The following PPM1B variants were observed in gnomAD, a reference collection of about 807,000 sequenced individuals.
The protein encoded by PPM1B is protein phosphatase 1B.
Under a neutral mutation model 43.0 loss-of-function variants are expected in PPM1B, and 22 were observed. The ratio of observed to expected loss-of-function variants is 0.51; its 90% CI spans 0.37 to 0.73. The LOEUF is 0.73. Among genes scored for constraint, PPM1B ranks in the 30% least tolerant of loss-of-function variants. The pLI, the probability that PPM1B is intolerant of heterozygous loss-of-function variation, is 0.00. For missense variants in PPM1B, 632 were observed against 584.2 expected (o/e 1.08, Z -0.84); for synonymous variants, 217 against 197.9 (o/e 1.10, Z -0.81).
chr2:44,240,271 C>T (rs1670717658), intron 5 of PPM1B, among the ~76,000 whole-genome samples: 1 of 145,708 alleles, frequency 6.9e-6, no homozygotes, highest in African/African-American at 2.5e-5. Flanking sequence ...ATTGTTCGCC[C>T]TTCCTATAAT....
At chr2:44,209,106 G>T (rs528565118) in intron 2 of PPM1B, 104 bp from the exon 3 acceptor site, 17 of 1,053,260 alleles carry the variant, frequency 1.6e-5, no homozygotes, top group Non-Finnish European at 2.2e-5. Flanking sequence ...AAACATAAAC[G>T]TTCTGGATGA....
At chr2:44,176,135 A>T (rs905610341) in intron 1 of PPM1B, among the ~76,000 whole-genome samples, 1 of 152,190 alleles carries the variant, frequency 6.6e-6, no homozygotes, top group African/African-American at 2.4e-5. Context: ...TCCCTGCATT[A>T]GACAGACATG....
intron 1 of PPM1B, among the ~76,000 whole-genome samples, chr2:44,170,298 C>T (rs1380127894): frequency 1.3e-5 from 2 of 152,136 alleles, no homozygotes; most frequent in Non-Finnish European, 2.9e-5. Context: ...TTTTGATAGT[C>T]ACAGTTAAAG....
rs370204406 is a variant in PPM1B at position 44,188,122 on chromosome 2, A to G, written c.-14-13064A>G. On this transcript the variant is annotated intron_variant, in intron 1 of 5. Coordinates refer to ENST00000282412, the MANE Select transcript of PPM1B (RefSeq NM_002706.6). ...TGGCTTACTTTAACTTTCAAAAACC[A>G]TCAAGAATTTTTGGGTTTTGTTTGT... is the stretch of plus-strand genomic sequence containing the variant. 6.6e-5 allele frequency among the ~76,000 whole-genome samples: 10 copies of G among 152,338 alleles called. No homozygotes were observed. In the East Asian group the frequency reaches 1.7e-3, roughly 26 times the overall value.
chr2:44,244,335 GT>G (rs763719172), exon 6 of PPM1B: 3 of 1,360,196 alleles, frequency 2.2e-6, no homozygotes, highest in Non-Finnish European at 2.9e-6. Context: ...GGACAAAAAG[GT>G]TTTTTTGTAA....
In PPM1B at chr2:44,201,386, G is replaced by T; in HGVS notation, c.187G>T (p.Ala63Ser). 3 of 1,614,182 alleles carry T rather than the reference G, an allele frequency of 1.9e-6. No individual in the cohort carries two copies. The highest frequency in any genetic ancestry group is 2.5e-6 in the Non-Finnish European group (3 of 1,180,026). Residue 63 changes from alanine to serine, a missense_variant, in exon 2 of 6, where the codon GCT becomes TCT. Ala to Ser is a moderately conservative substitution (Grantham distance 99). Coordinates refer to ENST00000282412, the MANE Select transcript of PPM1B (RefSeq NM_002706.6). This position sits in a 1 kb window ranked among gnomAD's most constrained non-coding sequence, Gnocchi z 5.4. ...ATTTTTTGCAGTTTATGATGGTCAT[G>T]CTGGATCCCGAGTGGCAAATTACTG... ...WSFFAVYDGHAGSRVANYCST... is the reference protein window; with the variant it reads ...WSFFAVYDGHSGSRVANYCST...
downstream of PPM1B, among the ~76,000 whole-genome samples, chr2:44,235,956 T>C (rs1351543685): frequency 1.3e-5 from 2 of 152,086 alleles, no homozygotes; most frequent in African/African-American, 4.8e-5. Context: ...AATAACATTG[T>C]GAAGGAATAA....
rs1469790641 is a variant in PPM1B at position 44,241,530 on chromosome 2, G to T, written n.1547-2698G>T. Among the ~76,000 whole-genome samples the T allele has an allele frequency of 2.8e-5, 4 of 142,298 alleles. 1 individual carries two copies. Among genetic ancestry groups the T allele is most frequent in the African/African-American group, 5.0e-5 (2 of 40,142 alleles). 93.4% of individuals were successfully genotyped at this position (142,298 alleles called of 152,430 possible). On this transcript the variant is annotated intron_variant and non_coding_transcript_variant, in intron 5 of 5. Transcript: ENST00000378540. Reference sequence around the variant, plus strand: ...AGAGATCACTTGAGGTCAAGAGTTCGAGACCAGCCTGGCCAGCATGGTGAA... The same window carrying T: ...AGAGATCACTTGAGGTCAAGAGTTCTAGACCAGCCTGGCCAGCATGGTGAA...
intron 5 of PPM1B, among the ~76,000 whole-genome samples, chr2:44,243,533 G>A (rs1572771421): frequency 6.6e-6 from 1 of 152,040 alleles, no homozygotes; most frequent in African/African-American, 2.4e-5. Flanking sequence ...AATACAACTG[G>A]AACTTATTTC....
intron 2 of PPM1B, among the ~76,000 whole-genome samples, chr2:44,205,821 A>G (rs1385960179): frequency 6.6e-6 from 1 of 152,134 alleles, no homozygotes; most frequent in African/African-American, 2.4e-5. Flanking sequence ...AGTTGGATAA[A>G]ATTGAGGGAA....
intron 2 of PPM1B, among the ~76,000 whole-genome samples, chr2:44,208,262 G>T (rs974752042): frequency 6.6e-6 from 1 of 152,122 alleles, no homozygotes; most frequent in Non-Finnish European, 1.5e-5. Context: ...CCTTAAATTA[G>T]CTATTTTAGC....
chr2:44,228,385 G>T (rs966203143), intron 5 of PPM1B, among the ~76,000 whole-genome samples: 3 of 151,842 alleles, frequency 2.0e-5, no homozygotes, highest in Non-Finnish European at 4.4e-5. Context: ...TGTTTCCCAG[G>T]CTGGCCTAGA....
At position 44,201,262 on chromosome 2, in the gene PPM1B, T is replaced by G. The variant is rs982728823; in HGVS notation, c.63T>G (p.Gly21=). The change falls in exon 2 of 6, where the codon GGT becomes GGG. Residue 21 remains glycine, a synonymous_variant. Coordinates refer to ENST00000282412, the MANE Select transcript of PPM1B (RefSeq NM_002706.6). The surrounding 1 kb of genome is among the most constrained non-coding windows in gnomAD (Gnocchi z 5.4). ...EKHNAHGAGN[G]LRYGLSSMQG... The stretch of plus-strand genomic sequence containing the variant: ...ATAATGCTCATGGTGCTGGGAATGG[T>G]TTACGTTATGGCCTGAGCAGCATGC... 1.2e-6 allele frequency: 2 copies of G among 1,613,764 alleles called. No homozygotes were observed. The highest frequency in any genetic ancestry group is 2.7e-5 in the African/African-American group (2 of 74,902).
At chr2:44,174,227 A>G (rs1667477870) in intron 1 of PPM1B, among the ~76,000 whole-genome samples, 1 of 152,220 alleles carries the variant, frequency 6.6e-6, no homozygotes, top group African/African-American at 2.4e-5. Context: ...AAAATTAAAA[A>G]TCTTAAAGTT....
intron 5 of PPM1B, among the ~76,000 whole-genome samples, chr2:44,228,562 T>C (rs1025968027): frequency 1.3e-5 from 2 of 152,234 alleles, no homozygotes; most frequent in Admixed American, 6.5e-5. Context: ...ATTAGTGTTA[T>C]CTTTGTTGCA....
downstream of PPM1B, among the ~76,000 whole-genome samples, chr2:44,231,956 A>G (rs974138443): frequency 1.3e-5 from 2 of 152,216 alleles, no homozygotes; most frequent in African/African-American, 4.8e-5. Context: ...CTTTACGTTT[A>G]TATTTATATC....
chr2:44,186,632 C>A (rs1668135489), intron 1 of PPM1B, among the ~76,000 whole-genome samples: 2 of 152,248 alleles, frequency 1.3e-5, no homozygotes, highest in South Asian at 2.1e-4. Context: ...GCCTGAGCCT[C>A]CCAAACTGCT....
chr2:44,233,447 A>G, downstream of PPM1B: 1 of 983,566 alleles, frequency 1.0e-6, no homozygotes, highest in Non-Finnish European at 1.2e-6. Flanking sequence ...TGAGTTTTGC[A>G]TGTATTAAAT....
chr2:44,177,785 GA>G (rs1268866439), intron 1 of PPM1B, among the ~76,000 whole-genome samples: 1 of 151,158 alleles, frequency 6.6e-6, no homozygotes, highest in Non-Finnish European at 1.5e-5. Flanking sequence ...ACCATATACA[GA>G]ATTTTTTTTT....
Sources: allele counts gnomAD v4.1 joint callset (sites outside exome capture counted in the v4.1 genomes callset), GRCh38; gene constraint gnomAD v4.1.1; non-coding constraint Gnocchi (gnomAD v3.1); transcripts MANE v1.5; gene names NCBI Gene and HGNC (gene_info 2026-07-23, HGNC 2026-07-21).